The following FHIT variants were observed in gnomAD, a reference collection of about 807,000 sequenced individuals.
The protein encoded by FHIT is fragile histidine triad diadenosine triphosphatase.
Under a neutral mutation model 17.9 loss-of-function variants are expected in FHIT, and 19 were observed. The ratio of observed to expected loss-of-function variants is 1.06; its 90% CI spans 0.74 to 1.56. FHIT has a LOEUF of 1.56. Among genes scored for constraint, FHIT ranks in the 40% most tolerant of loss-of-function variants. The pLI, the probability that FHIT is intolerant of heterozygous loss-of-function variation, is 0.00. For synonymous variants in FHIT, 81 were observed against 69.7 expected, an observed-to-expected ratio of 1.16 and a Z score of -0.81; for missense variants, 248 against 189.2, an observed-to-expected ratio of 1.31 and a Z score of -1.82.
chr3:61,114,013 T>A (rs530739758), intron 2 of FHIT, among the ~76,000 whole-genome samples: 2 of 151,892 alleles, frequency 1.3e-5, no homozygotes, highest in East Asian at 3.9e-4. Context: ...GCAAAAGGGG[T>A]TTCTCTATGA....
At chr3:59,802,620 C>CCAT (rs1387108283) in intron 8 of FHIT, among the ~76,000 whole-genome samples, 1 of 152,148 alleles carries the variant, frequency 6.6e-6, no homozygotes, top group East Asian at 1.9e-4. Context: ...CGGCCCCACC[C>CCAT]CATCTGCCTT....
chr3:59,888,286 C>G (rs984141362), intron 8 of FHIT, among the ~76,000 whole-genome samples: 2 of 152,158 alleles, frequency 1.3e-5, no homozygotes, highest in Admixed American at 1.3e-4. Context: ...AGTAGTCATG[C>G]ATAGCTTATA....
At chr3:60,917,156 G>A (rs1707048125) in intron 3 of FHIT, among the ~76,000 whole-genome samples, 1 of 152,198 alleles carries the variant, frequency 6.6e-6, no homozygotes, top group Non-Finnish European at 1.5e-5. Context: ...TAACAGAATT[G>A]TAAAATGAAA....
rs184488840 is a variant in FHIT at position 60,148,801 on chromosome 3, C to T, written c.104-134649G>A. 3.2e-3 allele frequency among the ~76,000 whole-genome samples: 482 copies of T among 152,308 alleles called. 5 individuals carry two copies. The highest frequency in any genetic ancestry group is 0.011 in the African/African-American group (446 of 41,572). On this transcript the variant is annotated intron_variant, in intron 5 of 9. Transcript: ENST00000492590. ...AAGACACATTATTTCAATATATTTT[C>T]ATTCATTCTTAGGCATTAACTGTCT...
rs141543262 is a variant in FHIT at position 59,988,722 on chromosome 3, G to A, written c.279+22649C>T. Among the ~76,000 whole-genome samples, 1,402 of 152,148 alleles carry A rather than the reference G, an allele frequency of 9.2e-3. 33 individuals carry two copies. Among genetic ancestry groups the A allele is most frequent in the Middle Eastern group, 0.048 (14 of 294 alleles). On this transcript the variant is annotated intron_variant, in intron 7 of 9. Transcript: ENST00000492590. ...TCTCAAAATAAAGGAGCAAACACCC[G>A]AAGGATCAAGGACGACTTCCCTGTG...
In FHIT at chr3:60,135,282, T is replaced by C. The variant is rs371218723; in HGVS notation, c.104-121130A>G. Among the ~76,000 whole-genome samples the C allele has an allele frequency of 2.6e-5, 4 of 152,204 alleles. No individual in the cohort carries two copies. In the East Asian group the frequency reaches 7.7e-4, roughly 29 times the overall value. On this transcript the variant is annotated intron_variant, in intron 5 of 9. Transcript: ENST00000492590. The stretch of plus-strand genomic sequence containing the variant: ...TACAGCGTCACGTCCTTAAAATGCC[T>C]TCAGGGACCAGGCAAATAGCATAAA...
At chr3:61,105,346 A>G (rs1344264150) in intron 2 of FHIT, among the ~76,000 whole-genome samples, 1 of 152,050 alleles carries the variant, frequency 6.6e-6, no homozygotes, top group African/African-American at 2.4e-5. Flanking sequence ...GCCAACACTC[A>G]GCTTCCAACT....
chr3:59,954,374 G>C (rs145818068), intron 7 of FHIT, among the ~76,000 whole-genome samples: 2 of 152,228 alleles, frequency 1.3e-5, no homozygotes, highest in East Asian at 1.9e-4. Flanking sequence ...AATATCATTT[G>C]AGAAAAGCTC....
chr3:60,005,930 G>C (rs809097), intron 7 of FHIT, among the ~76,000 whole-genome samples: 53,188 of 151,970 alleles, frequency 0.35, 10,249 homozygotes, highest in African/African-American at 0.5. Flanking sequence ...CCCCCTACAA[G>C]TGCTTCTTAT....
chr3:60,343,600 T>C (rs1009179749), intron 5 of FHIT, among the ~76,000 whole-genome samples: 2 of 152,202 alleles, frequency 1.3e-5, no homozygotes, highest in African/African-American at 4.8e-5. Context: ...CACTACGCTT[T>C]GCCATCATGC....
intron 2 of FHIT, among the ~76,000 whole-genome samples, chr3:61,122,901 C>T (rs1208731909): frequency 3.3e-5 from 5 of 152,054 alleles, no homozygotes; most frequent in Non-Finnish European, 5.9e-5. Context: ...TTACACTGTT[C>T]GTGGGAGTGT....
At chr3:60,305,925 T>C (rs991532537) in intron 5 of FHIT, among the ~76,000 whole-genome samples, 7 of 152,284 alleles carry the variant, frequency 4.6e-5, no homozygotes, top group Non-Finnish European at 8.8e-5. Context: ...TTAAATTTAA[T>C]GAGACTGCAT....
At chr3:60,086,402 G>A (rs1703495053) in intron 5 of FHIT, among the ~76,000 whole-genome samples, 1 of 152,138 alleles carries the variant, frequency 6.6e-6, no homozygotes, top group Non-Finnish European at 1.5e-5. Context: ...CTTCTCACAT[G>A]TGAAATACAA....
intron 5 of FHIT, among the ~76,000 whole-genome samples, chr3:60,506,538 T>C (rs1188631401): frequency 6.6e-6 from 1 of 152,228 alleles, no homozygotes; most frequent in African/African-American, 2.4e-5. Context: ...CCTCTTCTCC[T>C]ACATCGTGGG....
chr3:59,853,848 G>A (rs1702040869), intron 8 of FHIT, among the ~76,000 whole-genome samples: 1 of 152,134 alleles, frequency 6.6e-6, no homozygotes, highest in African/African-American at 2.4e-5. Flanking sequence ...CTTATTGAGA[G>A]TCTAGAGTTC....
intron 5 of FHIT, among the ~76,000 whole-genome samples, chr3:60,417,788 T>A (rs966128846): frequency 1.3e-5 from 2 of 152,208 alleles, no homozygotes; most frequent in African/African-American, 4.8e-5. Context: ...ACCTGTTAAC[T>A]GTGATTAACG....
chr3:60,198,896 C>T (rs910350111), intron 5 of FHIT, among the ~76,000 whole-genome samples: 2 of 152,170 alleles, frequency 1.3e-5, no homozygotes, highest in African/African-American at 4.8e-5. Flanking sequence ...AACAGTATTA[C>T]TGCAGAGAAC....
At chr3:60,246,717 T>C (rs1705414422) in intron 5 of FHIT, among the ~76,000 whole-genome samples, 1 of 152,128 alleles carries the variant, frequency 6.6e-6, no homozygotes, top group Non-Finnish European at 1.5e-5. Context: ...AATGGTTTGC[T>C]CTTCAGCTTT....
chr3:59,837,506 T>A (rs979577988), intron 8 of FHIT, among the ~76,000 whole-genome samples: 2 of 151,754 alleles, frequency 1.3e-5, no homozygotes, highest in African/African-American at 4.8e-5. Context: ...AATCCTCCAT[T>A]GATTGAACCC....
Sources: allele counts gnomAD v4.1 joint callset (sites outside exome capture counted in the v4.1 genomes callset), GRCh38; gene constraint gnomAD v4.1.1; transcripts MANE v1.5; gene names NCBI Gene and HGNC (gene_info 2026-07-23, HGNC 2026-07-21).